BAG4: variants seen among roughly 807,000 people sequenced by gnomAD.
BAG4 encodes the protein BAG cochaperone 4.
In BAG4, 28 loss-of-function variants were observed where a neutral mutation model predicts 52.1. The observed-to-expected ratio is 0.54, with a 90% CI of 0.40 to 0.74. The LOEUF (loss-of-function observed/expected upper bound fraction) is 0.74. Ranked by LOEUF, BAG4 falls within the 30% of genes least tolerant of loss-of-function variation. The probability of loss-of-function intolerance (pLI) is 0.00; values close to 1 mark genes in which losing one functional copy is unlikely to be tolerated. For synonymous variants in BAG4, 208 were observed against 217.0 expected, an observed-to-expected ratio of 0.96 and a Z score of 0.37; for missense variants, 525 against 572.0, an observed-to-expected ratio of 0.92 and a Z score of 0.84.
chr8:38,195,447 C>G (rs1460475690), intron 2 of BAG4, among the ~76,000 whole-genome samples: 1 of 152,156 alleles, frequency 6.6e-6, no homozygotes, highest in Non-Finnish European at 1.5e-5. Context: ...CATCACCATG[C>G]CTTGCTAATT....
chr8:38,199,526 CTTTT>C (rs148882011), intron 2 of BAG4, among the ~76,000 whole-genome samples: 1 of 141,510 alleles, frequency 7.1e-6, no homozygotes. Flanking sequence ...CCTGTGATTT[CTTTT>C]TTTTTTTTTT....
intron 1 of BAG4, among the ~76,000 whole-genome samples, chr8:38,180,953 T>TC (rs1803254520): frequency 6.6e-6 from 1 of 151,858 alleles, no homozygotes; most frequent in Non-Finnish European, 1.5e-5. Context: ...TTTTTTTTTT[T>TC]TTTTTGAGAC....
intron 4 of BAG4, 54 bp from the exon 5 acceptor site, chr8:38,209,954 T>G: frequency 6.4e-7 from 1 of 1,566,416 alleles, no homozygotes; most frequent in Non-Finnish European, 8.7e-7. Context: ...AATTTGATGT[T>G]GATGCATTCC....
In BAG4 at chr8:38,186,060, C is replaced by G. The variant is rs75339826; in HGVS notation, c.271-6628C>G. 3.2e-3 allele frequency among the ~76,000 whole-genome samples: 494 copies of G among 152,232 alleles called. 2 individuals are homozygous for G. Among genetic ancestry groups the G allele is most frequent in the South Asian group, 6.6e-3 (32 of 4,824 alleles). ...ATAGCCTCAGTCAGAAGGTTTTCATCCTAGGAGGAGGAGTAGCGTACCAAC... is the reference window on the plus strand; with the variant it reads ...ATAGCCTCAGTCAGAAGGTTTTCATGCTAGGAGGAGGAGTAGCGTACCAAC... On this transcript the variant is annotated intron_variant, in intron 1 of 4. Transcript: ENST00000287322.
chr8:38,178,917 T>C (rs1446858955), intron 1 of BAG4, among the ~76,000 whole-genome samples: 1 of 152,100 alleles, frequency 6.6e-6, no homozygotes, highest in Non-Finnish European at 1.5e-5. Context: ...GGAGGATTGC[T>C]TGAGTCCAGG....
At chr8:38,190,226 GTATT>G (rs1240626409) in intron 1 of BAG4, among the ~76,000 whole-genome samples, 1 of 152,030 alleles carries the variant, frequency 6.6e-6, no homozygotes, top group Admixed American at 6.6e-5. Flanking sequence ...ACTACTGTAT[GTATT>G]TATTCTATTC....
intron 1 of BAG4, among the ~76,000 whole-genome samples, chr8:38,188,960 A>ATTT (rs200005875): frequency 7.5e-6 from 1 of 132,704 alleles, no homozygotes; most frequent in Non-Finnish European, 1.6e-5. Flanking sequence ...TGCCCGGCTA[A>ATTT]TTTTTTTTTT....
rs554403620 is a variant in BAG4 at position 38,198,384 on chromosome 8, C to CA, written c.378+5605dup. On this transcript the variant is annotated intron_variant, in intron 2 of 4. Transcript: ENST00000287322. The stretch of plus-strand genomic sequence containing the variant: ...GGGCAACAGAGCGAGACTCCCATCT[C>CA]AAAAAAAAAAAAAAAAGTTTTCTTT... 1.8e-3 allele frequency among the ~76,000 whole-genome samples: 173 copies of CA among 94,090 alleles called. 1 individual carries two copies. The South Asian group carries it at 0.019, about 10-fold the overall frequency. 61.7% of individuals were successfully genotyped at this position (94,090 alleles called of 152,430 possible).
In BAG4 at chr8:38,212,135, A is replaced by G. The variant is rs1025465927; in HGVS notation, c.*1642A>G. 6 of 152,302 alleles carry G rather than the reference A, an allele frequency of 3.9e-5. No individual in the cohort carries two copies. The highest frequency in any genetic ancestry group is 1.4e-4 in the African/African-American group (6 of 41,574). The allele number at this position is 152,302 out of a possible 1,614,324, so 9.4% of individuals were successfully genotyped here. ...ATTCTAGGATTTTATTTTTGGCCTA[A>G]TATAGGAATGTTTAAAAAAGGCTTT... On this transcript the variant is annotated 3_prime_UTR_variant, in exon 5 of 5. Coordinates refer to ENST00000287322, the MANE Select transcript of BAG4 (RefSeq NM_004874.4).
rs1183082010 is a variant in BAG4 at position 38,194,801 on chromosome 8, C to G, written c.378+2006C>G. Among the ~76,000 whole-genome samples, 5 of 149,502 alleles carry G rather than the reference C, an allele frequency of 3.3e-5. No homozygotes were observed. The East Asian group carries it at 5.8e-4, about 17-fold the overall frequency. ...GAGTAATTGTCATATTTGCATATTTCCATTATATTTTTTTATCTAGCCATA... is the reference window on the plus strand; with the variant it reads ...GAGTAATTGTCATATTTGCATATTTGCATTATATTTTTTTATCTAGCCATA... On this transcript the variant is annotated intron_variant, in intron 2 of 4. Transcript: ENST00000287322.
chr8:38,197,802 C>T (rs1443878109), intron 2 of BAG4, among the ~76,000 whole-genome samples: 11 of 152,070 alleles, frequency 7.2e-5, no homozygotes, highest in Admixed American at 5.2e-4. Flanking sequence ...TGGGTTCAAG[C>T]GATCCTGCCA....
intron 1 of BAG4, among the ~76,000 whole-genome samples, chr8:38,185,783 T>A (rs1011389302): frequency 6.6e-6 from 1 of 152,218 alleles, no homozygotes; most frequent in Non-Finnish European, 1.5e-5. Flanking sequence ...CAGGTTGGTC[T>A]TGAACTCCTG....
chr8:38,194,082 G>T (rs1803522930), intron 2 of BAG4, among the ~76,000 whole-genome samples: 1 of 152,078 alleles, frequency 6.6e-6, no homozygotes, highest in Non-Finnish European at 1.5e-5. Flanking sequence ...ATGTTGGCCA[G>T]GCTGGTCTCA....
At chr8:38,209,397 A>G (rs766712330) in intron 4 of BAG4, 130 bp downstream of exon 4, 13 of 1,234,082 alleles carry the variant, frequency 1.1e-5, no homozygotes, top group South Asian at 1.6e-5. Context: ...ACTTATCTAT[A>G]GCTTTACCTC....
chr8:38,200,572 T>C (rs943714132), intron 2 of BAG4, among the ~76,000 whole-genome samples: 5 of 152,186 alleles, frequency 3.3e-5, no homozygotes, highest in African/African-American at 9.6e-5. Context: ...TTTCAACTTA[T>C]GTAAAAAAGG....
At chr8:38,177,209 G>C in intron 1 of BAG4, 70 bp downstream of exon 1, 2 of 1,576,300 alleles carry the variant, frequency 1.3e-6, no homozygotes, top group Non-Finnish European at 1.7e-6. Flanking sequence ...AAAGGATCGG[G>C]TTTCATACTT....
chr8:38,204,768 C>G lies in BAG4; in HGVS notation c.379-2744C>G, dbSNP rs535526652. Reference sequence around the variant, plus strand: ...GTAACATGAACCCATCTATTGGTTTCAATGGGTTATCAGTACATGGCCGTC... The same window carrying G: ...GTAACATGAACCCATCTATTGGTTTGAATGGGTTATCAGTACATGGCCGTC... On this transcript the variant is annotated intron_variant, in intron 2 of 4. Transcript: ENST00000287322. Among the ~76,000 whole-genome samples, 4 of 152,164 alleles carry G rather than the reference C, an allele frequency of 2.6e-5. No homozygotes were observed. The East Asian group carries it at 7.7e-4, about 29-fold the overall frequency.
chr8:38,192,664 A>C, intron 1 of BAG4, 24 bp from the exon 2 acceptor site: 3 of 1,538,780 alleles, frequency 1.9e-6, no homozygotes, highest in Non-Finnish European at 2.7e-6. Flanking sequence ...ATTAAGAGTG[A>C]ATTTATTTTT....
rs546089524 is a variant in BAG4, at chr8:38,204,649, GA to G, written c.379-2853del. Among the ~76,000 whole-genome samples the G allele has an allele frequency of 9.4e-4, 116 of 123,136 alleles. No homozygotes were observed. The South Asian group carries it at 0.022, about 23-fold the overall frequency. The allele number at this position is 123,136 out of a possible 152,430, so 80.8% of individuals were successfully genotyped here. A position where few individuals can be genotyped will look rare whatever the true frequency, so the allele number is the denominator to read the frequency against. On this transcript the variant is annotated intron_variant, in intron 2 of 4. Transcript: ENST00000287322. ...CTATTTAAAGAAAAACAACAACAACGAAAAAAAAAACAAAAACAACGCCTGT... is the reference window on the plus strand; with the variant it reads ...CTATTTAAAGAAAAACAACAACAACGAAAAAAAAACAAAAACAACGCCTGT...
Sources: gnomAD v4.1 joint callset for allele counts (sites outside exome capture counted in the v4.1 genomes callset) on GRCh38, gnomAD v4.1.1 for gene constraint, MANE v1.5 for transcripts, NCBI Gene and HGNC (gene_info 2026-07-23, HGNC 2026-07-21) for gene names.